The following EDA variants were observed in gnomAD, a reference collection of about 807,000 sequenced individuals.
EDA encodes the protein ectodysplasin-A.
Under a neutral mutation model 23.6 loss-of-function variants are expected in EDA, and 2 were observed. The ratio of observed to expected loss-of-function variants is 0.08; its 90% CI spans 0.03 to 0.27. The LOEUF is 0.27. Among genes scored for constraint, EDA ranks in the 10% least tolerant of loss-of-function variants. The pLI is 1.00. For missense variants in EDA, 229 were observed against 324.2 expected, an observed-to-expected ratio of 0.71 and a Z score of 2.26; for synonymous variants, 131 against 132.0, an observed-to-expected ratio of 0.99 and a Z score of 0.05.
At chrX:69,756,961 G>T (rs2520391) in intron 1 of EDA, 35,480 of 110,564 alleles carry the variant, frequency 0.32, 5,031 homozygotes, top group Middle Eastern at 0.57. Context: ...GGGATCACTC[G>T]CAGGTTTACC....
intron 1 of EDA, among the ~76,000 whole-genome samples, chrX:69,879,921 CTTT>C (rs1162951930): frequency 1.8e-5 from 2 of 112,355 alleles, no homozygotes; most frequent in Admixed American, 1.9e-4. Context: ...GGTATTCTTA[CTTT>C]CTTGGCAAGC....
At chrX:69,635,885 C>T (rs1303988874) in intron 1 of EDA, among the ~76,000 whole-genome samples, 1 of 110,459 alleles carries the variant, frequency 9.1e-6, no homozygotes, top group African/African-American at 3.3e-5. Flanking sequence ...ACCTCAAAGG[C>T]CACCACCAAC....
At chrX:69,857,628 T>C (rs1196253546) in intron 1 of EDA, among the ~76,000 whole-genome samples, 1 of 111,663 alleles carries the variant, frequency 9.0e-6, no homozygotes, top group Non-Finnish European at 1.9e-5. Flanking sequence ...AATTTGTAGA[T>C]TGCTTTTGGC....
chrX:70,027,793 A>T (rs2020131874), intron 3 of EDA, 64 bp from the exon 4 acceptor site: 1 of 541,010 alleles, frequency 1.8e-6, no homozygotes, highest in Admixed American at 2.7e-5. Context: ...ACTGAACTCC[A>T]GCCTGGGCAA....
At chrX:69,648,107 G>T (rs1049844085) in intron 1 of EDA, among the ~76,000 whole-genome samples, 1 of 111,503 alleles carries the variant, frequency 9.0e-6, no homozygotes, top group Admixed American at 9.5e-5. Context: ...CCTGTTGCCA[G>T]CCCACATGTG....
intron 1 of EDA, among the ~76,000 whole-genome samples, chrX:69,874,580 A>C (rs1458263595): frequency 9.0e-6 from 1 of 111,656 alleles, no homozygotes; most frequent in Non-Finnish European, 1.9e-5. Flanking sequence ...CTGAGAACTG[A>C]AACAAGACGA....
chrX:69,919,724 T>C (rs1445691230), intron 1 of EDA, among the ~76,000 whole-genome samples: 2 of 112,306 alleles, frequency 1.8e-5, no homozygotes, highest in Non-Finnish European at 3.8e-5. Context: ...GCTTCAGAAG[T>C]CATAGTATTT....
At chrX:69,820,792 T>C in intron 1 of EDA, among the ~76,000 whole-genome samples, 1 of 111,050 alleles carries the variant, frequency 9.0e-6, no homozygotes, top group East Asian at 2.8e-4. Context: ...ATAGTAGGAG[T>C]GTAAATTAGT....
intron 1 of EDA, among the ~76,000 whole-genome samples, chrX:69,803,036 C>G (rs1484937981): frequency 9.0e-6 from 1 of 110,955 alleles, no homozygotes; most frequent in Non-Finnish European, 1.9e-5. Context: ...AGGGAAGATT[C>G]TGTAGTTGCT....
intron 1 of EDA, among the ~76,000 whole-genome samples, chrX:69,823,774 T>C (rs1239980456): frequency 3.7e-5 from 3 of 80,545 alleles, no homozygotes; most frequent in Middle Eastern, 5.4e-3. Flanking sequence ...TCCTTGCCCA[T>C]GCCTGTGTCC....
At chrX:69,845,081 T>A (rs906281198) in intron 1 of EDA, among the ~76,000 whole-genome samples, 3 of 112,761 alleles carry the variant, frequency 2.7e-5, no homozygotes, top group Non-Finnish European at 5.6e-5. Flanking sequence ...TATTCAACTA[T>A]AGTTATTCCC....
intron 1 of EDA, among the ~76,000 whole-genome samples, chrX:69,650,249 T>C (rs1933061182): frequency 8.9e-6 from 1 of 112,295 alleles, no homozygotes; most frequent in Non-Finnish European, 1.9e-5. Context: ...ATTGAGTTGC[T>C]ACTTTATGCC....
Position 69,769,496 on chromosome X carries a change from T to C in EDA, c.396+152792T>C, listed in dbSNP as rs201156928. On this transcript the variant is annotated intron_variant, in intron 1 of 7. Transcript: ENST00000374552. ...GTCTCTGCCTCTTAATTGAGGTGTT[T>C]AAAGCACTTCGATTTAATGTGACAA... 4.5e-5 allele frequency among the ~76,000 whole-genome samples: 5 copies of C among 111,799 alleles called. No homozygotes were observed. In the East Asian group the frequency reaches 1.4e-3, roughly 31 times the overall value.
chrX:69,713,249 C>G (rs2012161563), intron 1 of EDA, among the ~76,000 whole-genome samples: 3 of 112,101 alleles, frequency 2.7e-5, no homozygotes, highest in South Asian at 7.4e-4. Context: ...CAGCAATTTT[C>G]AGAAATAATA....
At chrX:69,938,984 T>G (rs1175915330) in intron 1 of EDA, among the ~76,000 whole-genome samples, 1 of 111,886 alleles carries the variant, frequency 8.9e-6, no homozygotes, top group Non-Finnish European at 1.9e-5. Flanking sequence ...TACCATGCTG[T>G]TTGGGTTGCT....
intron 2 of EDA, among the ~76,000 whole-genome samples, chrX:69,964,632 C>T (rs974280078): frequency 9.0e-6 from 1 of 111,664 alleles, no homozygotes; most frequent in Non-Finnish European, 1.9e-5. Flanking sequence ...TCCCTGAGAA[C>T]GCTCAATAAG....
chrX:69,700,208 C>T (rs774871141), intron 1 of EDA, among the ~76,000 whole-genome samples: 14 of 110,441 alleles, frequency 1.3e-4, no homozygotes, highest in African/African-American at 4.0e-4. Context: ...GGAGAGTGGA[C>T]GGTTTTAGGG....
intron 1 of EDA, chrX:69,937,053 G>A (rs1351180004): frequency 1.2e-5 from 6 of 490,460 alleles, no homozygotes; most frequent in South Asian, 7.5e-5. Context: ...ATGAAAGGGC[G>A]GGGGGAAGGG....
chrX:69,734,487 C>G (rs1444997553), intron 1 of EDA, among the ~76,000 whole-genome samples: 2 of 111,119 alleles, frequency 1.8e-5, no homozygotes. Context: ...GTTTAATTTG[C>G]TCTTCTTTCT....
Sources: gnomAD v4.1 joint callset for allele counts (sites outside exome capture counted in the v4.1 genomes callset) on GRCh38, gnomAD v4.1.1 for gene constraint, MANE v1.5 for transcripts, NCBI Gene and HGNC (gene_info 2026-07-23, HGNC 2026-07-21) for gene names.